The following COL21A1 variants were observed in gnomAD, a reference collection of about 807,000 sequenced individuals.
COL21A1 encodes the protein collagen alpha-1(XXI) chain.
In COL21A1, 149 loss-of-function variants were observed where a neutral mutation model predicts 137.9. The ratio of observed to expected loss-of-function variants is 1.08; its 90% CI spans 0.95 to 1.24. The LOEUF (loss-of-function observed/expected upper bound fraction) is 1.24. Ranked by LOEUF, COL21A1 falls within the 50% of genes most tolerant of loss-of-function variation. COL21A1 has a pLI of 0.00. For synonymous variants in COL21A1, 456 were observed against 391.5 expected, an observed-to-expected ratio of 1.16 and a Z score of -1.95; for missense variants, 1,167 against 1,158.4, an observed-to-expected ratio of 1.01 and a Z score of -0.11.
At chr6:56,108,231 C>T (rs1771120969) in intron 16 of COL21A1, among the ~76,000 whole-genome samples, 1 of 151,800 alleles carries the variant, frequency 6.6e-6, no homozygotes. Flanking sequence ...AAAATTACAA[C>T]GTGAGTATTT....
chr6:56,079,136 C>G (rs929091767), intron 17 of COL21A1, among the ~76,000 whole-genome samples: 1 of 151,592 alleles, frequency 6.6e-6, no homozygotes, highest in Non-Finnish European at 1.5e-5. Context: ...ATTCAAATAC[C>G]CACACACGTG....
intron 1 of COL21A1, among the ~76,000 whole-genome samples, chr6:56,373,186 G>C (rs2093993180): frequency 6.6e-6 from 1 of 152,178 alleles, no homozygotes; most frequent in Non-Finnish European, 1.5e-5. Flanking sequence ...CACCGGACCA[G>C]GCCTGAGGCA....
At chr6:56,254,866 C>T (rs1229944895) in intron 1 of COL21A1, among the ~76,000 whole-genome samples, 2 of 152,036 alleles carry the variant, frequency 1.3e-5, no homozygotes, top group Non-Finnish European at 2.9e-5. Context: ...ATGCTGCTTG[C>T]TTTAAAAAAG....
At position 56,293,684 on chromosome 6, in the gene COL21A1, T is replaced by C. The variant is rs77330910; in HGVS notation, c.-39+100287A>G. ...TGACTTGGTTGCCAAAAATATCTTATGGGAATCTTGATTTAAAATGAAAAT... is the reference window on the plus strand; with the variant it reads ...TGACTTGGTTGCCAAAAATATCTTACGGGAATCTTGATTTAAAATGAAAAT... On this transcript the variant is annotated intron_variant, in intron 1 of 28. Transcript: ENST00000370819. 1.6e-4 allele frequency among the ~76,000 whole-genome samples: 24 copies of C among 152,252 alleles called. No individual in the cohort carries two copies. In the East Asian group the frequency reaches 3.3e-3, roughly 21 times the overall value.
upstream of COL21A1, among the ~76,000 whole-genome samples, chr6:56,252,510 A>G (rs951961391): frequency 6.6e-6 from 1 of 152,226 alleles, no homozygotes; most frequent in Non-Finnish European, 1.5e-5. Context: ...GGGCTGGAAA[A>G]TTAAGTTTTG....
intron 1 of COL21A1, among the ~76,000 whole-genome samples, chr6:56,383,572 G>A (rs894629802): frequency 6.6e-6 from 1 of 152,076 alleles, no homozygotes; most frequent in African/African-American, 2.4e-5. Context: ...AACTTTCCCG[G>A]GTTATTCTCA....
intron 1 of COL21A1, among the ~76,000 whole-genome samples, chr6:56,336,777 T>C (rs1765336885): frequency 6.6e-6 from 1 of 152,210 alleles, no homozygotes; most frequent in Non-Finnish European, 1.5e-5. Context: ...TTCTCACTGC[T>C]CTGTGATTTA....
chr6:56,370,359 G>A (rs1455264484), intron 1 of COL21A1, among the ~76,000 whole-genome samples: 2 of 152,152 alleles, frequency 1.3e-5, no homozygotes, highest in African/African-American at 4.8e-5. Context: ...ATTAATCAGA[G>A]CCTCTCTGTA....
rs55942460 is a variant in COL21A1 at position 56,320,518 on chromosome 6, AACACACACAC to A, written c.-39+73443_-39+73452del. On this transcript the variant is annotated intron_variant, in intron 1 of 28. Transcript: ENST00000370819. ...AACCCCCAAGGTCCTACACAATCTG[AACACACACAC>A]ACACACACACACACACACACCCCTC... 2.6e-3 allele frequency among the ~76,000 whole-genome samples: 382 copies of A among 149,576 alleles called. 1 individual carries two copies. The highest frequency in any genetic ancestry group is 8.0e-3 in the African/African-American group (326 of 40,678).
rs1456188476 is a variant in COL21A1 at position 56,128,957 on chromosome 6, C to T, written c.1543-2808G>A. ...GGCATGAGCCACCATGCTCAGCCTA[C>T]TCCTATTGTTTTAATTTTAGTACAA... On this transcript the variant is annotated intron_variant, in intron 12 of 29. Transcript: ENST00000244728. Among the ~76,000 whole-genome samples the T allele has an allele frequency of 1.2e-4, 19 of 152,120 alleles. 1 individual carries two copies. The highest frequency in any genetic ancestry group is 1.2e-3 in the Admixed American group (19 of 15,268).
intron 1 of COL21A1, among the ~76,000 whole-genome samples, chr6:56,388,356 G>T (rs1045384211): frequency 2.0e-5 from 3 of 152,180 alleles, no homozygotes; most frequent in African/African-American, 7.2e-5. Context: ...GGTGGACATA[G>T]GAGTGCTTAC....
At chr6:56,094,911 T>A (rs1037147712) in intron 17 of COL21A1, among the ~76,000 whole-genome samples, 2 of 152,148 alleles carry the variant, frequency 1.3e-5, no homozygotes, top group African/African-American at 2.4e-5. Flanking sequence ...AAATCCCAGA[T>A]AATCTCCCCA....
At position 56,064,578 on chromosome 6, in the gene COL21A1, C is replaced by T. The variant is rs772034516; in HGVS notation, c.2172G>A (p.Gln724=). 14 of 1,593,342 alleles carry T rather than the reference C, an allele frequency of 8.8e-6. No homozygotes were observed. In the South Asian group the frequency reaches 1.6e-4, roughly 18 times the overall value. The change falls in exon 24 of 30, where the codon CAG becomes CAA. Residue 724 remains glutamine, a splice_region_variant and synonymous_variant. Coordinates refer to ENST00000244728, the MANE Select transcript of COL21A1 (RefSeq NM_030820.4). ...ENGRQGIPGQ[Q]GIQGHHGAKG... ...TTATCAGAAGAAAACCAAAAAATAC[C>T]TGTTGCCCTGGAATTCCCTGTCTTC...
At chr6:56,211,859 C>A (rs1055400671) in intron 1 of COL21A1, among the ~76,000 whole-genome samples, 1 of 152,076 alleles carries the variant, frequency 6.6e-6, no homozygotes, top group Non-Finnish European at 1.5e-5. Flanking sequence ...CCACTTTTAT[C>A]AAAACCCAAT....
At chr6:56,314,471 G>C (rs1276461967) in intron 1 of COL21A1, among the ~76,000 whole-genome samples, 3 of 152,042 alleles carry the variant, frequency 2.0e-5, no homozygotes, top group Admixed American at 6.5e-5. Context: ...TTGTATAAAA[G>C]AAAGATTCCT....
At position 56,216,543 on chromosome 6, in the gene COL21A1, C is replaced by G. The variant is rs1459744707; in HGVS notation, c.-39+30844G>C. Among the ~76,000 whole-genome samples, 3 of 152,102 alleles carry G rather than the reference C, an allele frequency of 2.0e-5. No individual in the cohort carries two copies. The East Asian group carries it at 5.8e-4, about 29-fold the overall frequency. ...GCCCCATCTCTTTTTACTCTGTTAACCAAATAATTCCCATGGGAATCATCA... is the reference window on the plus strand; with the variant it reads ...GCCCCATCTCTTTTTACTCTGTTAAGCAAATAATTCCCATGGGAATCATCA... On this transcript the variant is annotated intron_variant, in intron 1 of 29. Coordinates refer to ENST00000244728, the MANE Select transcript of COL21A1 (RefSeq NM_030820.4).
chr6:56,377,387 G>A (rs2094001291), intron 1 of COL21A1, among the ~76,000 whole-genome samples: 2 of 152,092 alleles, frequency 1.3e-5, no homozygotes, highest in African/African-American at 4.8e-5. Context: ...CAGTGATGGT[G>A]TGAGTGGAGA....
chr6:56,207,982 GC>G (rs1410972196), intron 1 of COL21A1, among the ~76,000 whole-genome samples: 1 of 151,574 alleles, frequency 6.6e-6, no homozygotes, highest in Non-Finnish European at 1.5e-5. Context: ...AAATTCAACA[GC>G]CCTTCATGCT....
intron 3 of COL21A1, among the ~76,000 whole-genome samples, chr6:56,173,910 T>C (rs1777252232): frequency 6.6e-6 from 1 of 152,152 alleles, no homozygotes; most frequent in Non-Finnish European, 1.5e-5. Flanking sequence ...CAATTGCACA[T>C]GAAACATTCT....
Sources: allele counts gnomAD v4.1 joint callset (sites outside exome capture counted in the v4.1 genomes callset), GRCh38; gene constraint gnomAD v4.1.1; transcripts MANE v1.5; gene names NCBI Gene and HGNC (gene_info 2026-07-23, HGNC 2026-07-21).